The following GOLGA1 variants were observed in gnomAD, a reference collection of about 807,000 sequenced individuals.
GOLGA1 encodes the protein golgin A1, also known as golgin subfamily A member 1.
In GOLGA1, 63 loss-of-function variants were observed where a neutral mutation model predicts 119.7. That is an observed-to-expected ratio of 0.53 (90% confidence interval 0.43 to 0.65). GOLGA1 has a LOEUF of 0.65. GOLGA1 is among the 30% of genes least tolerant of loss of function. The probability of loss-of-function intolerance (pLI) is 0.00; values close to 1 mark genes in which losing one functional copy is unlikely to be tolerated. For missense variants in GOLGA1, 798 were observed against 912.8 expected (o/e 0.87, Z 1.62); for synonymous variants, 318 against 333.4 (o/e 0.95, Z 0.50).
At chr9:124,912,118 TG>T (rs1830353166) in intron 10 of GOLGA1, 92 bp from the exon 11 acceptor site, 2 of 1,037,522 alleles carry the variant, frequency 1.9e-6, no homozygotes, top group Non-Finnish European at 2.9e-6. Flanking sequence ...CCTGCAACTC[TG>T]TCCTCAACTG....
In GOLGA1 at chr9:124,938,727, A is replaced by G; in HGVS notation, c.-16T>C. Reference sequence around the variant, plus strand: ...TTGCAAACATGTTTGCTGTGTGGCTATCCTGCACAGATGACGAGCTCTCAG... The same window carrying G: ...TTGCAAACATGTTTGCTGTGTGGCTGTCCTGCACAGATGACGAGCTCTCAG... On this transcript the variant is annotated 5_prime_UTR_variant, in exon 3 of 23. Coordinates refer to ENST00000373555, the MANE Select transcript of GOLGA1 (RefSeq NM_002077.4). 1 of 1,608,384 alleles carries G rather than the reference A, an allele frequency of 6.2e-7. No homozygotes were observed. The highest frequency in any genetic ancestry group is 1.1e-5 in the South Asian group (1 of 90,414).
rs1829614178 is a variant in GOLGA1 at position 124,882,522 on chromosome 9, CAG to C, written c.1951_1952del (p.Leu651AlafsTer10). 2.5e-6 allele frequency: 4 copies of C among 1,611,554 alleles called. No individual in the cohort carries two copies. The highest frequency in any genetic ancestry group is 3.4e-6 in the Non-Finnish European group (4 of 1,178,682). On this transcript the variant is annotated frameshift_variant, in exon 20 of 23. Coordinates refer to ENST00000373555, the MANE Select transcript of GOLGA1 (RefSeq NM_002077.4). LOFTEE classifies it high-confidence loss of function. ...QQRMLELRKT[L>X]QKELKIRPDN... ...TGCGAGTACTCACCAGCTCCTTCTG[CAG>C]AGTCTTCCGGAGCTCCAGCATCCGC...
rs1174024715 is a variant in GOLGA1, at chr9:124,888,129, G to A, written c.1905+124C>T. On this transcript the variant is annotated intron_variant, in intron 19 of 22. Coordinates refer to ENST00000373555, the MANE Select transcript of GOLGA1 (RefSeq NM_002077.4). The surrounding 1 kb of genome is among the most constrained non-coding windows in gnomAD (Gnocchi z 4.4). ...CAGGAGGAAGGCCTTTGGGTGAGAG[G>A]GGTCATGGTTGCCAGGAGGTGCGGG... 1 of 824,328 alleles carries A rather than the reference G, an allele frequency of 1.2e-6. No homozygotes were observed. Among genetic ancestry groups the A allele is most frequent in the Non-Finnish European group, 2.0e-6 (1 of 488,050 alleles). 51.1% of individuals were successfully genotyped at this position (824,328 alleles called of 1,614,324 possible).
chr9:124,898,233 C>T lies in GOLGA1; in HGVS notation c.1407+316G>A, dbSNP rs150568388. ...GACTTTCAAGCAGCTGTTGATTCCA[C>T]AGAGGAAGGGCTGGCCTCTGTGGTA... On this transcript the variant is annotated intron_variant, in intron 15 of 22. Coordinates refer to ENST00000373555, the MANE Select transcript of GOLGA1 (RefSeq NM_002077.4). Among the ~76,000 whole-genome samples the T allele has an allele frequency of 1.3e-4, 20 of 152,344 alleles. No homozygotes were observed. In the East Asian group the frequency reaches 3.9e-3, roughly 29 times the overall value.
chr9:124,884,745 T>C (rs900585409), intron 19 of GOLGA1, among the ~76,000 whole-genome samples: 1 of 152,216 alleles, frequency 6.6e-6, no homozygotes, highest in Non-Finnish European at 1.5e-5. Flanking sequence ...GGCTGGACAC[T>C]GCCCCAAAAG....
chr9:124,947,598 T>C (rs1421058572), intron 1 of GOLGA1: 2 of 152,160 alleles, frequency 1.3e-5, no homozygotes, highest in African/African-American at 4.8e-5. Flanking sequence ...GTACATAATA[T>C]ACACATACTG....
intron 12 of GOLGA1, among the ~76,000 whole-genome samples, chr9:124,906,494 A>C (rs1830235643): frequency 6.6e-6 from 1 of 151,916 alleles, no homozygotes; most frequent in Admixed American, 6.6e-5. Flanking sequence ...TCACGCCTAT[A>C]AACCCAGCAC....
At chr9:124,882,432 G>C in intron 20 of GOLGA1, 78 bp downstream of exon 20, 2 of 1,043,540 alleles carry the variant, frequency 1.9e-6, no homozygotes, top group Non-Finnish European at 3.0e-6. Flanking sequence ...GTCAGGCGGC[G>C]AGGGACCTCA....
intron 3 of GOLGA1, among the ~76,000 whole-genome samples, chr9:124,938,095 A>G (rs534810078): frequency 9.2e-5 from 14 of 151,962 alleles, no homozygotes; most frequent in South Asian, 2.1e-4. Context: ...AAAAAAAAAA[A>G]AAAGAAAGAA....
Position 124,889,111 on chromosome 9 carries a change from G to A in GOLGA1, c.1761+32C>T, listed in dbSNP as rs142736025. 3,752 of 1,569,472 alleles carry A rather than the reference G, an allele frequency of 2.4e-3. 11 individuals carry two copies. Among genetic ancestry groups the A allele is most frequent in the South Asian group, 3.3e-3 (286 of 86,806 alleles). On this transcript the variant is annotated intron_variant, in intron 18 of 22. Transcript: ENST00000373555. Reference sequence around the variant, plus strand: ...CTCGGCACCTGCCCTGCATCTTGCTGTAGCACCCATGCAGGTGCAGCTGGG... The same window carrying A: ...CTCGGCACCTGCCCTGCATCTTGCTATAGCACCCATGCAGGTGCAGCTGGG...
intron 9 of GOLGA1, among the ~76,000 whole-genome samples, 156 bp from the exon 10 acceptor site, chr9:124,921,396 G>A (rs140964130): frequency 1.3e-3 from 198 of 152,270 alleles, no homozygotes; most frequent in South Asian, 2.7e-3. Flanking sequence ...GGCTCTCTCT[G>A]AAGCAGGAGC....
At chr9:124,905,033 C>A (rs896520032) in intron 12 of GOLGA1, among the ~76,000 whole-genome samples, 17 of 150,194 alleles carry the variant, frequency 1.1e-4, no homozygotes, top group African/African-American at 4.1e-4. Context: ...ATAATTCCAG[C>A]TCTTTGGGAG....
intron 3 of GOLGA1, among the ~76,000 whole-genome samples, chr9:124,932,859 A>G (rs1179718079): frequency 6.6e-6 from 1 of 152,170 alleles, no homozygotes; most frequent in African/African-American, 2.4e-5. Context: ...GGGGCAAGGC[A>G]GCTTTCTGGG....
chr9:124,908,680 A>C (rs1205538881), intron 11 of GOLGA1, among the ~76,000 whole-genome samples: 1 of 152,280 alleles, frequency 6.6e-6, no homozygotes, highest in East Asian at 1.9e-4. Flanking sequence ...GCTGGAACAA[A>C]AGACTAATAA....
intron 15 of GOLGA1, among the ~76,000 whole-genome samples, chr9:124,895,798 C>T (rs1588065884): frequency 7.0e-6 from 1 of 143,664 alleles, no homozygotes; most frequent in African/African-American, 2.6e-5. Context: ...AGAACCATCC[C>T]CAACAGAGAC....
rs559355842 is a variant in GOLGA1, at chr9:124,879,201, C to T, written c.*1329G>A. 7.9e-5 allele frequency: 12 copies of T among 152,268 alleles called. No individual in the cohort carries two copies. Among genetic ancestry groups the T allele is most frequent in the African/African-American group, 2.6e-4 (11 of 41,548 alleles). The allele number at this position is 152,268 out of a possible 1,614,324, so 9.4% of individuals were successfully genotyped here. The stretch of plus-strand genomic sequence containing the variant: ...GGATAATGGATAATAAATTTAGAGG[C>T]TCCAGTTATTAATTTAGTTTTTTAT... On this transcript the variant is annotated 3_prime_UTR_variant, in exon 23 of 23. Transcript: ENST00000373555.
intron 10 of GOLGA1, among the ~76,000 whole-genome samples, chr9:124,917,047 G>T (rs1157383695): frequency 6.6e-6 from 1 of 151,938 alleles, no homozygotes; most frequent in Non-Finnish European, 1.5e-5. Context: ...AGCACAAAAA[G>T]TAAGTTTAGA....
At chr9:124,900,255 A>T in intron 13 of GOLGA1, 197 bp downstream of exon 13, 1 of 439,594 alleles carries the variant, frequency 2.3e-6, no homozygotes, top group Non-Finnish European at 4.1e-6. Flanking sequence ...TGCACCTCCC[A>T]GGTAACTCAG....
intron 2 of GOLGA1, among the ~76,000 whole-genome samples, chr9:124,939,249 TTCC>T (rs1458431346): frequency 6.6e-6 from 1 of 152,194 alleles, no homozygotes; most frequent in Non-Finnish European, 1.5e-5. Context: ...TTTCAAATCC[TTCC>T]TCCAATAAGC....
Sources: gnomAD v4.1 joint callset for allele counts (sites outside exome capture counted in the v4.1 genomes callset) on GRCh38, gnomAD v4.1.1 for gene constraint, Gnocchi (gnomAD v3.1) non-coding constraint, MANE v1.5 for transcripts, NCBI Gene and HGNC (gene_info 2026-07-23, HGNC 2026-07-21) for gene names.